ZNF385D: variants seen among roughly 807,000 people sequenced by gnomAD.
The protein encoded by ZNF385D is zinc finger protein 385D.
ZNF385D carries 15 observed loss-of-function variants against 35.8 expected under a neutral mutation model. The ratio of observed to expected loss-of-function variants is 0.42; its 90% CI spans 0.28 to 0.64. The LOEUF (loss-of-function observed/expected upper bound fraction) is 0.64. ZNF385D is among the 30% of genes least tolerant of loss of function. The pLI is 0.23. For missense variants in ZNF385D, 474 were observed against 494.6 expected (o/e 0.96, Z 0.39); for synonymous variants, 212 against 186.8 (o/e 1.13, Z -1.10).
chr3:21,810,281 T>C (rs1369653627), intron 3 of ZNF385D, among the ~76,000 whole-genome samples: 1 of 151,116 alleles, frequency 6.6e-6, no homozygotes, highest in East Asian at 2.0e-4. Context: ...ATGATCATAT[T>C]AATTGATATA....
chr3:22,331,482 TTAA>T (rs1338474853), intron 2 of ZNF385D, among the ~76,000 whole-genome samples: 7 of 152,154 alleles, frequency 4.6e-5, no homozygotes, highest in Admixed American at 1.3e-4. Flanking sequence ...TAATGAAAAC[TTAA>T]TATTATTTCA....
intron 3 of ZNF385D, among the ~76,000 whole-genome samples, chr3:22,139,934 A>G (rs1704398399): frequency 6.6e-6 from 1 of 152,194 alleles, no homozygotes; most frequent in Admixed American, 6.5e-5. Context: ...GCTAAAATGA[A>G]AAGAATATAC....
At chr3:21,971,061 A>G (rs1397088330) in intron 3 of ZNF385D, among the ~76,000 whole-genome samples, 9 of 152,130 alleles carry the variant, frequency 5.9e-5, no homozygotes, top group Non-Finnish European at 1.2e-4. Flanking sequence ...TACAAGAAAT[A>G]CTAAAGGGAG....
At position 22,323,097 on chromosome 3, in the gene ZNF385D, G is replaced by T. The variant is rs1040297111; in HGVS notation, c.106+49353C>A. Among the ~76,000 whole-genome samples the T allele has an allele frequency of 4.6e-5, 7 of 152,108 alleles. No individual in the cohort carries two copies. The South Asian group carries it at 6.3e-4, about 14-fold the overall frequency. On this transcript the variant is annotated intron_variant, in intron 2 of 5. Transcript: ENST00000494108. ...AGTCCTCTGCAGAAGAATCCCCTTG[G>T]TTGCTAGGCTTATTAGGGGAAGGAA...
rs760045214 is a variant in ZNF385D at position 21,564,642 on chromosome 3, C to T, written c.208G>A (p.Val70Ile). The change falls in exon 3 of 8, where the codon GTT (valine) becomes ATT (isoleucine). Residue 70 changes from valine to isoleucine, a missense_variant. Val to Ile is a conservative substitution (Grantham distance 29). Transcript: ENST00000281523. ...TGCTTTCTTCGGTGGGGAAGAGGAA[C>T]CCCGAATGTATGGTTTATTACAGCT... ...QKAVINHTFGVPLPHRRKQII... is the reference protein window; with the variant it reads ...QKAVINHTFGIPLPHRRKQII... 1 of 1,584,552 alleles carries T rather than the reference C, an allele frequency of 6.3e-7. No homozygotes were observed. Among genetic ancestry groups the T allele is most frequent in the Non-Finnish European group, 8.6e-7 (1 of 1,165,080 alleles).
At chr3:22,033,968 C>A (rs958603313) in intron 3 of ZNF385D, among the ~76,000 whole-genome samples, 1 of 152,182 alleles carries the variant, frequency 6.6e-6, no homozygotes, top group African/African-American at 2.4e-5. Context: ...TCCAGGAAAC[C>A]TGAGACGGTT....
At chr3:22,023,330 G>C (rs903682392) in intron 3 of ZNF385D, among the ~76,000 whole-genome samples, 1 of 152,092 alleles carries the variant, frequency 6.6e-6, no homozygotes, top group African/African-American at 2.4e-5. Flanking sequence ...GAGTCCATAT[G>C]CTTTAAACTC....
At chr3:21,855,891 G>A (rs567075501) in intron 3 of ZNF385D, among the ~76,000 whole-genome samples, 11 of 151,664 alleles carry the variant, frequency 7.3e-5, no homozygotes, top group African/African-American at 2.7e-4. Flanking sequence ...TTTACATCTT[G>A]CTGAGGTTTT....
At chr3:21,866,033 C>T (rs75336775) in intron 3 of ZNF385D, among the ~76,000 whole-genome samples, 2,318 of 151,818 alleles carry the variant, frequency 0.015, 36 homozygotes, top group East Asian at 0.073. Context: ...ATATTACATT[C>T]ATGTGTATCT....
In ZNF385D at chr3:22,252,269, G is replaced by T. The variant is rs548136203; in HGVS notation, c.107-83234C>A. ...AAAGGAAATTGAGGGGAGGGGCACT[G>T]GTCATTAGATTTTATACCAATAAAC... On this transcript the variant is annotated intron_variant, in intron 2 of 5. Coordinates refer to the ZNF385D transcript ENST00000494108. Among the ~76,000 whole-genome samples, 16 of 152,080 alleles carry T rather than the reference G, an allele frequency of 1.1e-4. No homozygotes were observed. The South Asian group carries it at 1.5e-3, about 14-fold the overall frequency.
intron 3 of ZNF385D, among the ~76,000 whole-genome samples, chr3:21,864,864 G>A (rs1189007500): frequency 6.6e-6 from 1 of 151,674 alleles, no homozygotes; most frequent in Non-Finnish European, 1.5e-5. Context: ...AGAAATGTAG[G>A]TCAAGTAAAT....
At position 21,421,343 on chromosome 3, in the gene ZNF385D, G is replaced by T. The variant is rs1354105612; in HGVS notation, c.1059C>A (p.Ser353=). Residue 353 remains serine, a synonymous_variant, in exon 8 of 8, where the codon TCC becomes TCA. Transcript: ENST00000281523. Reference sequence around the variant, plus strand: ...CTGGAGCAGTTCGAAGACTGAAGGGGGAACTCACTGCCACTGCTGCTGCGG... The same window carrying T: ...CTGGAGCAGTTCGAAGACTGAAGGGTGAACTCACTGCCACTGCTGCTGCGG... ...AAAAAAVAVS[S]PFSLRTAPAA... is the part of the protein sequence containing the mutation. 1 of 1,613,698 alleles carries T rather than the reference G, an allele frequency of 6.2e-7. No homozygotes were observed. Among genetic ancestry groups the T allele is most frequent in the Non-Finnish European group, 8.5e-7 (1 of 1,179,854 alleles).
chr3:21,923,631 G>C (rs1700584295), intron 3 of ZNF385D, among the ~76,000 whole-genome samples: 1 of 152,228 alleles, frequency 6.6e-6, no homozygotes, highest in South Asian at 2.1e-4. Flanking sequence ...TGGTGGACTG[G>C]ATAAAAATAT....
intron 3 of ZNF385D, among the ~76,000 whole-genome samples, chr3:22,065,544 G>A (rs764784677): frequency 2.0e-4 from 30 of 152,122 alleles, no homozygotes; most frequent in African/African-American, 2.7e-4. Context: ...ATCCAGATGT[G>A]AGCTCACTTG....
intron 3 of ZNF385D, among the ~76,000 whole-genome samples, chr3:21,910,953 T>C (rs903853984): frequency 6.6e-6 from 1 of 151,980 alleles, no homozygotes; most frequent in Non-Finnish European, 1.5e-5. Flanking sequence ...TGATGCTTTT[T>C]AATTAGATGA....
chr3:21,974,078 T>C (rs993345784), intron 3 of ZNF385D, among the ~76,000 whole-genome samples: 3 of 152,114 alleles, frequency 2.0e-5, no homozygotes, highest in East Asian at 3.9e-4. Flanking sequence ...AATCCTAAAA[T>C]GTATATGGAA....
chr3:21,456,567 C>T (rs1292121423), intron 4 of ZNF385D, among the ~76,000 whole-genome samples: 5 of 152,046 alleles, frequency 3.3e-5, no homozygotes, highest in Non-Finnish European at 7.4e-5. Context: ...AGGGGAACAT[C>T]ACACACCGGG....
At chr3:22,163,298 T>C (rs959587768) in intron 3 of ZNF385D, among the ~76,000 whole-genome samples, 2 of 152,164 alleles carry the variant, frequency 1.3e-5, no homozygotes, top group African/African-American at 4.8e-5. Context: ...TCAGGTGGTA[T>C]ACATGCATTC....
intron 3 of ZNF385D, among the ~76,000 whole-genome samples, chr3:21,937,302 T>C (rs1701309721): frequency 6.6e-6 from 1 of 152,318 alleles, no homozygotes; most frequent in Non-Finnish European, 1.5e-5. Flanking sequence ...TATTCTGCTC[T>C]GTCATCTAAT....
Sources: allele counts gnomAD v4.1 joint callset (sites outside exome capture counted in the v4.1 genomes callset), GRCh38; gene constraint gnomAD v4.1.1; transcripts MANE v1.5; gene names NCBI Gene and HGNC (gene_info 2026-07-23, HGNC 2026-07-21).